Variants in GRM7 observed in about 807,000 individuals in gnomAD.
GRM7 encodes glutamate metabotropic receptor 7.
A neutral mutation model predicts 84.5 loss-of-function variants in GRM7; 35 were observed. The ratio of observed to expected loss-of-function variants is 0.41; its 90% CI spans 0.32 to 0.55. GRM7 has a LOEUF of 0.55. Among genes scored for constraint, GRM7 ranks in the 20% least tolerant of loss-of-function variants. GRM7 has a pLI of 0.19. For missense variants in GRM7, 1,003 were observed against 1,194.6 expected (o/e 0.84, Z 2.36); for synonymous variants, 487 against 455.1 (o/e 1.07, Z -0.89).
chr3:7,649,082 T>G (rs1161506353), intron 8 of GRM7, among the ~76,000 whole-genome samples: 1 of 151,990 alleles, frequency 6.6e-6, no homozygotes, highest in Non-Finnish European at 1.5e-5. Flanking sequence ...TTCTTTTTTT[T>G]TTTTTGAGAT....
intron 8 of GRM7, among the ~76,000 whole-genome samples, chr3:7,651,483 G>A (rs556487171): frequency 1.3e-5 from 2 of 152,096 alleles, no homozygotes; most frequent in African/African-American, 2.4e-5. Flanking sequence ...TCTAGAACTC[G>A]GGCAAACTGG....
intron 1 of GRM7, among the ~76,000 whole-genome samples, chr3:6,950,327 A>T (rs1201083313): frequency 6.6e-6 from 1 of 152,118 alleles, no homozygotes; most frequent in Non-Finnish European, 1.5e-5. Flanking sequence ...TCCACTCCAG[A>T]CCCTGTTTGC....
chr3:7,393,750 T>A (rs764662085), intron 4 of GRM7, among the ~76,000 whole-genome samples: 3 of 152,228 alleles, frequency 2.0e-5, no homozygotes, highest in African/African-American at 7.2e-5. Flanking sequence ...CAGACTCTTA[T>A]GTGTCTCTTA....
intron 1 of GRM7, among the ~76,000 whole-genome samples, chr3:7,002,370 A>T (rs552947823): frequency 2.6e-5 from 4 of 152,348 alleles, no homozygotes; most frequent in African/African-American, 7.2e-5. Flanking sequence ...AGCCTAACAG[A>T]TTCATTAAAG....
At chr3:6,922,434 G>T (rs1487481923) in intron 1 of GRM7, among the ~76,000 whole-genome samples, 1 of 152,172 alleles carries the variant, frequency 6.6e-6, no homozygotes, top group East Asian at 1.9e-4. Flanking sequence ...ATACTTCATA[G>T]AAAGTTGGCT....
In GRM7 at chr3:7,676,719, C is replaced by T. The variant is rs565368821; in HGVS notation, c.2452-3330C>T. ...AAAGTGCTAGGATTACAGGTGTGAGCCTATGTTTAACTATATTTAGATACA... is the reference window on the plus strand; with the variant it reads ...AAAGTGCTAGGATTACAGGTGTGAGTCTATGTTTAACTATATTTAGATACA... On this transcript the variant is annotated intron_variant, in intron 8 of 9. Transcript: ENST00000357716. Among the ~76,000 whole-genome samples, 138 of 152,046 alleles carry T rather than the reference C, an allele frequency of 9.1e-4. 2 individuals carry two copies. The South Asian group carries it at 0.026, about 29-fold the overall frequency.
intron 7 of GRM7, among the ~76,000 whole-genome samples, chr3:7,482,708 A>G (rs1421701776): frequency 6.6e-6 from 1 of 152,216 alleles, no homozygotes; most frequent in Non-Finnish European, 1.5e-5. Flanking sequence ...AAGTTGATCT[A>G]GAGATAAAGG....
intron 1 of GRM7, among the ~76,000 whole-genome samples, chr3:7,118,332 G>T (rs536780994): frequency 2.0e-5 from 3 of 151,872 alleles, no homozygotes; most frequent in Non-Finnish European, 4.4e-5. Flanking sequence ...CGAGTCTATA[G>T]TGAGCTGTGG....
intron 7 of GRM7, among the ~76,000 whole-genome samples, chr3:7,576,492 A>C (rs2125050846): frequency 6.6e-6 from 1 of 152,340 alleles, no homozygotes; most frequent in East Asian, 1.9e-4. Context: ...TTCAATTCAG[A>C]ATTTGAATGT....
chr3:7,725,640 G>A (rs1158762885), intron 9 of GRM7, among the ~76,000 whole-genome samples: 2 of 152,118 alleles, frequency 1.3e-5, no homozygotes, highest in Non-Finnish European at 1.5e-5. Flanking sequence ...CTCCTCTGTG[G>A]GAGGGAAGCC....
intron 1 of GRM7, among the ~76,000 whole-genome samples, chr3:7,047,529 A>G (rs1167466842): frequency 6.6e-6 from 1 of 152,232 alleles, no homozygotes; most frequent in East Asian, 1.9e-4. Context: ...CAAATTAATG[A>G]CAAAGTCAAA....
chr3:6,917,458 T>C (rs1465596147), intron 1 of GRM7, among the ~76,000 whole-genome samples: 1 of 149,628 alleles, frequency 6.7e-6, no homozygotes, highest in Non-Finnish European at 1.5e-5. Context: ...AAATAGCACC[T>C]AGGAAAACTG....
intron 2 of GRM7, among the ~76,000 whole-genome samples, chr3:7,164,936 A>T (rs1694750925): frequency 6.6e-6 from 1 of 152,178 alleles, no homozygotes; most frequent in Admixed American, 6.5e-5. Flanking sequence ...TGAGAACAGA[A>T]ACTAAAAAGG....
chr3:6,862,850 GC>G lies in GRM7; in HGVS notation c.519+947del. 1 of 340,092 alleles carries G rather than the reference GC, an allele frequency of 2.9e-6. No individual in the cohort carries two copies. 21.1% of individuals were successfully genotyped at this position (340,092 alleles called of 1,614,324 possible). On this transcript the variant is annotated intron_variant, in intron 1 of 9. Transcript: ENST00000357716. This position sits in a 1 kb window ranked among gnomAD's most constrained non-coding sequence, Gnocchi z 5.2. Reference sequence around the variant, plus strand: ...GAGGCAGAGGGGTGCGTGAAGCGGGGCCCCGTGGTCCTCCTGCTCCGGTGCC... The same window carrying G: ...GAGGCAGAGGGGTGCGTGAAGCGGGGCCCGTGGTCCTCCTGCTCCGGTGCC...
chr3:7,369,171 C>T (rs552353149), intron 4 of GRM7, among the ~76,000 whole-genome samples: 56 of 152,244 alleles, frequency 3.7e-4, no homozygotes, highest in African/African-American at 1.2e-3. Flanking sequence ...CCTCCTGACA[C>T]AGCCTCCGGA....
At chr3:7,348,856 G>C (rs1031750414) in intron 4 of GRM7, among the ~76,000 whole-genome samples, 2 of 152,084 alleles carry the variant, frequency 1.3e-5, no homozygotes, top group East Asian at 1.9e-4. Flanking sequence ...TGGCCTCCTA[G>C]TTCCCTATAT....
chr3:7,467,471 C>G (rs2124917591), intron 7 of GRM7, among the ~76,000 whole-genome samples: 1 of 152,286 alleles, frequency 6.6e-6, no homozygotes, highest in South Asian at 2.1e-4. Context: ...AAGCCAATCA[C>G]TGTAGCCATA....
chr3:7,192,396 G>A (rs1460226929), intron 2 of GRM7, among the ~76,000 whole-genome samples: 1 of 152,200 alleles, frequency 6.6e-6, no homozygotes, highest in Middle Eastern at 3.4e-3. Context: ...TCCAAGATAT[G>A]TATTTTATCC....
intron 4 of GRM7, among the ~76,000 whole-genome samples, chr3:7,342,804 T>C (rs1346995525): frequency 6.6e-6 from 1 of 152,134 alleles, no homozygotes; most frequent in Non-Finnish European, 1.5e-5. Context: ...GTTGAGATAA[T>C]AGAATCAAGA....
Sources: allele counts gnomAD v4.1 joint callset (sites outside exome capture counted in the v4.1 genomes callset), GRCh38; gene constraint gnomAD v4.1.1; non-coding constraint Gnocchi (gnomAD v3.1); transcripts MANE v1.5; gene names NCBI Gene and HGNC (gene_info 2026-07-23, HGNC 2026-07-21).